GRIK2: variants seen among roughly 807,000 people sequenced by gnomAD.
GRIK2 encodes the protein glutamate receptor ionotropic, kainate 2.
Under a neutral mutation model 100.3 loss-of-function variants are expected in GRIK2, and 32 were observed. That is an observed-to-expected ratio of 0.32 (90% CI 0.24 to 0.43). The LOEUF (loss-of-function observed/expected upper bound fraction) is 0.43, where lower values mean the gene tolerates loss of function less well. Among genes scored for constraint, GRIK2 ranks in the 20% least tolerant of loss-of-function variants. The pLI is 1.00. For missense variants in GRIK2, 843 were observed against 1,114.9 expected (o/e 0.76, Z 3.47); for synonymous variants, 417 against 389.4 (o/e 1.07, Z -0.83).
chr6:101,874,659 T>C (rs972087340), intron 11 of GRIK2, among the ~76,000 whole-genome samples: 1 of 152,144 alleles, frequency 6.6e-6, no homozygotes, highest in Non-Finnish European at 1.5e-5. Flanking sequence ...TTGATGGGGA[T>C]GGCATTGAAT....
At chr6:101,982,979 A>G (rs1328802449) in intron 14 of GRIK2, among the ~76,000 whole-genome samples, 1 of 151,842 alleles carries the variant, frequency 6.6e-6, no homozygotes, top group East Asian at 1.9e-4. Flanking sequence ...CTTAGAGGGG[A>G]AAAACATGCC....
intron 7 of GRIK2, among the ~76,000 whole-genome samples, chr6:101,778,705 A>G (rs995090715): frequency 4.4e-4 from 67 of 152,292 alleles, no homozygotes; most frequent in African/African-American, 1.6e-3. Context: ...TTGATATACT[A>G]ACGTTCTGTT....
intron 2 of GRIK2, among the ~76,000 whole-genome samples, chr6:101,412,636 T>G (rs115127630): frequency 0.014 from 2,182 of 152,158 alleles, 52 homozygotes; most frequent in African/African-American, 0.051. Flanking sequence ...ATTCTTTTAA[T>G]AATAAATTAT....
intron 2 of GRIK2, among the ~76,000 whole-genome samples, chr6:101,491,478 A>G (rs1020258005): frequency 2.0e-5 from 3 of 152,040 alleles, no homozygotes; most frequent in Non-Finnish European, 2.9e-5. Flanking sequence ...AATGTTTCTA[A>G]TATGTTTTAA....
chr6:101,453,751 A>C (rs1018807545), intron 2 of GRIK2, among the ~76,000 whole-genome samples: 14 of 152,030 alleles, frequency 9.2e-5, no homozygotes, highest in Non-Finnish European at 2.1e-4. Flanking sequence ...TATGTAGACT[A>C]TCAGATTTCA....
chr6:101,682,828 T>C (rs185139409), intron 6 of GRIK2, among the ~76,000 whole-genome samples: 54 of 152,318 alleles, frequency 3.5e-4, no homozygotes, highest in African/African-American at 1.3e-3. Flanking sequence ...ATATTGCATA[T>C]CTTATTTTTA....
intron 10 of GRIK2, among the ~76,000 whole-genome samples, chr6:101,834,875 T>G (rs2128429991): frequency 6.6e-6 from 1 of 152,194 alleles, no homozygotes; most frequent in South Asian, 2.1e-4. Context: ...AATTTTGACA[T>G]GCACCTGTGG....
chr6:101,609,971 A>G (rs1317269989), intron 2 of GRIK2, among the ~76,000 whole-genome samples: 1 of 151,754 alleles, frequency 6.6e-6, no homozygotes, highest in African/African-American at 2.4e-5. Flanking sequence ...CAATCTCAAG[A>G]TAATTTAATA....
intron 7 of GRIK2, among the ~76,000 whole-genome samples, chr6:101,715,551 CT>C (rs1774006842): frequency 6.6e-6 from 1 of 151,760 alleles, no homozygotes; most frequent in Admixed American, 6.6e-5. Context: ...CGTCTAGGGA[CT>C]TAAAGATCAA....
intron 12 of GRIK2, among the ~76,000 whole-genome samples, chr6:101,911,224 T>G (rs938643462): frequency 1.3e-5 from 2 of 151,384 alleles, no homozygotes; most frequent in African/African-American, 4.8e-5. Flanking sequence ...AATCAGGAAG[T>G]TGGGGCTATA....
intron 2 of GRIK2, among the ~76,000 whole-genome samples, chr6:101,571,753 G>C (rs947976260): frequency 1.3e-5 from 2 of 152,054 alleles, no homozygotes; most frequent in Non-Finnish European, 2.9e-5. Flanking sequence ...CAGGAAATCA[G>C]TAGGGAACTA....
intron 2 of GRIK2, among the ~76,000 whole-genome samples, chr6:101,593,320 A>T (rs1778764340): frequency 2.0e-5 from 3 of 151,934 alleles, no homozygotes; most frequent in Admixed American, 1.3e-4. Context: ...TTTCTCCCAA[A>T]GCTTCACTAT....
chr6:101,652,516 A>G (rs1781849497), intron 4 of GRIK2, among the ~76,000 whole-genome samples: 1 of 152,178 alleles, frequency 6.6e-6, no homozygotes, highest in Non-Finnish European at 1.5e-5. Flanking sequence ...AGGCGGGGGC[A>G]AGGATTTGAT....
At chr6:101,766,856 C>G (rs1014552032) in intron 7 of GRIK2, among the ~76,000 whole-genome samples, 3 of 152,192 alleles carry the variant, frequency 2.0e-5, no homozygotes, top group Non-Finnish European at 4.4e-5. Context: ...TAACCACATT[C>G]CTTTTGATGT....
chr6:102,037,535 C>G (rs575105461), intron 15 of GRIK2, among the ~76,000 whole-genome samples: 1 of 151,292 alleles, frequency 6.6e-6, no homozygotes, highest in East Asian at 2.0e-4. Context: ...AAATATACCC[C>G]CTTTATTACC....
At chr6:101,649,920 G>A (rs561464761) in intron 4 of GRIK2, among the ~76,000 whole-genome samples, 2 of 152,192 alleles carry the variant, frequency 1.3e-5, no homozygotes, top group East Asian at 1.9e-4. Flanking sequence ...CATTAGGACT[G>A]CAAAGGAGAT....
chr6:101,803,585 G>C (rs765679839), intron 9 of GRIK2, among the ~76,000 whole-genome samples: 2 of 151,820 alleles, frequency 1.3e-5, no homozygotes, highest in Non-Finnish European at 1.5e-5. Flanking sequence ...CTGTGTCCAA[G>C]ACTGGAGTTG....
chr6:101,640,637 G>A (rs958722485), intron 4 of GRIK2, among the ~76,000 whole-genome samples: 7 of 152,076 alleles, frequency 4.6e-5, no homozygotes, highest in Admixed American at 6.6e-5. Flanking sequence ...TCAAGTTGTC[G>A]TTGAATTTCC....
chr6:101,615,593 G>C lies in GRIK2; in HGVS notation c.116-6356G>C, dbSNP rs1285611078. ...AAACATGATTTATGAACTCTCAGGA[G>C]AGCAATTATCTCTTCATGGATCACA... On this transcript the variant is annotated intron_variant, in intron 2 of 16. Transcript: ENST00000369134. Among the ~76,000 whole-genome samples the C allele has an allele frequency of 2.0e-5, 3 of 151,860 alleles. No individual in the cohort carries two copies. The East Asian group carries it at 5.8e-4, about 29-fold the overall frequency.
Sources: allele counts gnomAD v4.1 joint callset (sites outside exome capture counted in the v4.1 genomes callset), GRCh38; gene constraint gnomAD v4.1.1; transcripts MANE v1.5; gene names NCBI Gene and HGNC (gene_info 2026-07-23, HGNC 2026-07-21).